SCUBE2: variants seen among roughly 807,000 people sequenced by gnomAD.
The protein encoded by SCUBE2 is signal peptide, CUB domain and EGF like domain containing 2, also known as signal peptide, CUB and EGF-like domain-containing protein 2.
In SCUBE2, 114 loss-of-function variants were observed where a neutral mutation model predicts 125.9. That is an observed-to-expected ratio of 0.91 (90% CI 0.78 to 1.06). SCUBE2 has a LOEUF of 1.06. SCUBE2 is among the 50% of genes least tolerant of loss of function. The pLI is 0.00. For synonymous variants in SCUBE2, 459 were observed against 492.9 expected, an observed-to-expected ratio of 0.93 and a Z score of 0.91; for missense variants, 1,255 against 1,301.8, an observed-to-expected ratio of 0.96 and a Z score of 0.55.
At position 9,025,763 on chromosome 11, in the gene SCUBE2, C is replaced by T. The variant is rs549442707; in HGVS notation, c.2793G>A (p.Gln931=). The T allele has an allele frequency of 5.9e-5, 95 of 1,614,188 alleles. 1 individual carries two copies. The South Asian group carries it at 1.0e-3, about 17-fold the overall frequency. ...FTSRSKKLWI[Q]FKSNEGNSAR... is the part of the protein sequence containing the mutation. ...CGCTGTTCCCTTCATTGGACTTGAA[C>T]TGAATCCACAGCTTCTTTGACCTGG... The change falls in exon 21 of 23, where the codon CAG becomes CAA. Residue 931 remains glutamine, a synonymous_variant. Transcript: ENST00000649792.
In SCUBE2 at chr11:9,079,425, A is replaced by C; in HGVS notation, c.341T>G (p.Phe114Cys). The C allele has an allele frequency of 6.2e-7, 1 of 1,614,190 alleles. No individual in the cohort carries two copies. Among genetic ancestry groups the C allele is most frequent in the Non-Finnish European group, 8.5e-7 (1 of 1,180,014 alleles). ...NIPGNYRCTC[F>C]DGFMLAHDGH... ...GTCATGAGCCAACATGAAGCCATCA[A>C]AACAAGTGCAACGATAATTGCCTGG... Residue 114 changes from phenylalanine (F) to cysteine (C), a missense_variant, in exon 3 of 23, where the codon TTT becomes TGT. Transcript: ENST00000649792.
chr11:9,044,396 G>A (rs1178210760), intron 16 of SCUBE2, among the ~76,000 whole-genome samples: 1 of 151,988 alleles, frequency 6.6e-6, no homozygotes, highest in Non-Finnish European at 1.5e-5. Flanking sequence ...GGGACTACAG[G>A]TGCTACCAAC....
intron 3 of SCUBE2, among the ~76,000 whole-genome samples, chr11:9,077,473 G>A (rs1861294871): frequency 6.6e-6 from 1 of 152,202 alleles, no homozygotes. Context: ...TAGTGCCAAA[G>A]CTTAGTGGTG....
At chr11:9,027,185 G>A (rs144513153) in intron 20 of SCUBE2, 179 bp downstream of exon 20, 100 of 628,398 alleles carry the variant, frequency 1.6e-4, no homozygotes, top group African/African-American at 1.3e-3. Context: ...CCAGCAAGAC[G>A]CTTCAGTGTG....
At position 9,030,867 on chromosome 11, in the gene SCUBE2, G is replaced by A; in HGVS notation, c.2232C>T (p.Ala744=). 1 of 1,614,174 alleles carries A rather than the reference G, an allele frequency of 6.2e-7. No homozygotes were observed. Among genetic ancestry groups the A allele is most frequent in the Non-Finnish European group, 8.5e-7 (1 of 1,180,006 alleles). Residue 744 remains alanine, a synonymous_variant, in exon 18 of 23, where the codon GCC becomes GCT. Transcript: ENST00000649792. ...CAGCTTCAGGCTGGAACGTGCCCAG[G>A]GCACAGAGCTGGCAAGGTGCAAAGC... The part of the protein sequence containing the change: ...ADGFAPCQLC[A]LGTFQPEAGR...
At chr11:9,061,378 G>A (rs1859668027) in intron 7 of SCUBE2, among the ~76,000 whole-genome samples, 1 of 151,214 alleles carries the variant, frequency 6.6e-6, no homozygotes, top group African/African-American at 2.4e-5. Context: ...GCCACGTGGT[G>A]AGACCCCCAT....
At position 9,027,581 on chromosome 11, in the gene SCUBE2, G is replaced by A. The variant is rs780662160; in HGVS notation, c.2504-20C>T. Reference sequence around the variant, plus strand: ...TTCTGTCTGAAAAAGGAGATGCCCCGAGTTATGGCACGACACTGTCATCTC... The same window carrying A: ...TTCTGTCTGAAAAAGGAGATGCCCCAAGTTATGGCACGACACTGTCATCTC... On this transcript the variant is annotated intron_variant, in intron 19 of 22. Transcript: ENST00000649792. 3.6e-5 allele frequency: 58 copies of A among 1,603,198 alleles called. No homozygotes were observed. The highest frequency in any genetic ancestry group is 2.3e-4 in the African/African-American group (17 of 74,756).
intron 2 of SCUBE2, among the ~76,000 whole-genome samples, chr11:9,081,262 C>T (rs528771208): frequency 3.3e-5 from 5 of 152,208 alleles, no homozygotes; most frequent in African/African-American, 1.2e-4. Flanking sequence ...GTTGTGAAAC[C>T]ATCACCACTA....
chr11:9,022,032 GTTC>G (rs1206129575), intron 21 of SCUBE2, 77 bp from the exon 22 acceptor site: 2 of 1,119,076 alleles, frequency 1.8e-6, no homozygotes, highest in South Asian at 2.5e-5. Context: ...TTTTGATAAG[GTTC>G]TGAGAAATGC....
At chr11:9,076,420 C>G (rs540832197) in intron 3 of SCUBE2, among the ~76,000 whole-genome samples, 4 of 152,038 alleles carry the variant, frequency 2.6e-5, no homozygotes, top group Non-Finnish European at 5.9e-5. Flanking sequence ...CTTTACTCAT[C>G]TACCTCTACT....
At chr11:9,024,147 G>A in intron 21 of SCUBE2, 1 of 995,934 alleles carries the variant, frequency 1.0e-6, no homozygotes. Context: ...CCCAGTTGGA[G>A]CTACAACTCT....
chr11:9,024,764 A>G (rs1327181353), intron 21 of SCUBE2, among the ~76,000 whole-genome samples: 55 of 152,288 alleles, frequency 3.6e-4, no homozygotes. Context: ...TTATTTCAAG[A>G]CCCACATCTC....
At chr11:9,066,559 T>C (rs1223570268) in intron 6 of SCUBE2, 138 bp downstream of exon 6, 10 of 697,200 alleles carry the variant, frequency 1.4e-5, no homozygotes, top group African/African-American at 3.5e-5. Flanking sequence ...CACTGTAGCA[T>C]GCGAAGCAGC....
intron 4 of SCUBE2, among the ~76,000 whole-genome samples, chr11:9,070,279 G>C (rs1860659423): frequency 6.6e-6 from 1 of 152,158 alleles, no homozygotes; most frequent in South Asian, 2.1e-4. Flanking sequence ...GTGGGAAGGG[G>C]AACAGCTGCT....
chr11:9,055,722 A>G lies in SCUBE2; in HGVS notation c.1207+71T>C, dbSNP rs889250534. On this transcript the variant is annotated intron_variant, in intron 10 of 22. Transcript: ENST00000649792. ...ACCCCAATGTAGGAAAGCAAACCTC[A>G]GGGGTAGGCCCTGCTCCCCTCCAGG... The G allele has an allele frequency of 6.7e-6, 8 of 1,194,322 alleles. No individual in the cohort carries two copies. In the African/African-American group the frequency reaches 1.0e-4, roughly 16 times the overall value. The allele number at this position is 1,194,322 out of a possible 1,614,324, so 74.0% of individuals were successfully genotyped here.
chr11:9,032,885 A>G (rs571045399), intron 17 of SCUBE2, among the ~76,000 whole-genome samples: 22 of 152,304 alleles, frequency 1.4e-4, no homozygotes, highest in African/African-American at 5.3e-4. Flanking sequence ...TTTAAGCCAG[A>G]AACAGCCTTG....
chr11:9,090,673 G>A (rs1021975593), intron 1 of SCUBE2, among the ~76,000 whole-genome samples: 7 of 151,914 alleles, frequency 4.6e-5, no homozygotes, highest in South Asian at 4.2e-4. Flanking sequence ...GCTGCGAAGC[G>A]GGGATGGTGT....
intron 16 of SCUBE2, among the ~76,000 whole-genome samples, chr11:9,044,845 C>T (rs534903208): frequency 2.8e-4 from 43 of 152,284 alleles, no homozygotes; most frequent in Non-Finnish European, 5.0e-4. Flanking sequence ...CCATAGCTTG[C>T]TTCTTGCTGT....
chr11:9,035,975 G>T (rs914753377), intron 16 of SCUBE2, among the ~76,000 whole-genome samples: 1 of 152,050 alleles, frequency 6.6e-6, no homozygotes, highest in African/African-American at 2.4e-5. Context: ...CGCAACCTCC[G>T]CCTCCTGGGT....
Sources: gnomAD v4.1 joint callset for allele counts (sites outside exome capture counted in the v4.1 genomes callset) on GRCh38, gnomAD v4.1.1 for gene constraint, MANE v1.5 for transcripts, NCBI Gene and HGNC (gene_info 2026-07-23, HGNC 2026-07-21) for gene names.